Variants in SMAP1 observed in about 807,000 individuals in gnomAD.
The protein encoded by SMAP1 is small ArfGAP 1.
SMAP1 carries 24 observed loss-of-function variants against 58.5 expected under a neutral mutation model. The ratio of observed to expected loss-of-function variants is 0.41; its 90% confidence interval spans 0.30 to 0.58. The LOEUF (loss-of-function observed/expected upper bound fraction) is 0.58. Among genes scored for constraint, SMAP1 ranks in the 20% least tolerant of loss-of-function variants. The pLI is 0.29. For synonymous variants in SMAP1, 216 were observed against 196.6 expected, an observed-to-expected ratio of 1.10 and a Z score of -0.82; for missense variants, 563 against 566.3, an observed-to-expected ratio of 0.99 and a Z score of 0.06.
intron 5 of SMAP1, among the ~76,000 whole-genome samples, chr6:70,797,138 C>A (rs970858671): frequency 3.3e-5 from 5 of 152,056 alleles, no homozygotes; most frequent in Admixed American, 3.3e-4. Flanking sequence ...ATTCATGCCC[C>A]AAATATAAAG....
intron 7 of SMAP1, among the ~76,000 whole-genome samples, chr6:70,842,763 T>A (rs1770849433): frequency 6.6e-6 from 1 of 152,118 alleles, no homozygotes; most frequent in South Asian, 2.1e-4. Context: ...CCTCTTTGCT[T>A]CTCCTCATTC....
intron 1 of SMAP1, among the ~76,000 whole-genome samples, chr6:70,712,351 A>G (rs1768089149): frequency 6.6e-6 from 1 of 152,162 alleles, no homozygotes; most frequent in Admixed American, 6.6e-5. Context: ...TTTACTGAAG[A>G]TTTTTGAATG....
chr6:70,670,003 ACTT>A (rs954622535), intron 1 of SMAP1, among the ~76,000 whole-genome samples: 1 of 151,802 alleles, frequency 6.6e-6, no homozygotes, highest in Non-Finnish European at 1.5e-5. Flanking sequence ...AGAATCATGT[ACTT>A]CTTAAATTAG....
rs570193792 is a variant in SMAP1, at chr6:70,773,431, TA to T, written c.414+10del. Reference sequence around the variant, plus strand: ...ATGCCATAGCTATTACAAATGTAAGTAAAACCTTCATCTCTCATCAATTGTT... The same window carrying T: ...ATGCCATAGCTATTACAAATGTAAGTAAACCTTCATCTCTCATCAATTGTT... On this transcript the variant is annotated splice_region_variant and intron_variant, in intron 4 of 10. Coordinates refer to ENST00000370455, the MANE Select transcript of SMAP1 (RefSeq NM_001044305.3). 212 of 1,494,990 alleles carry T rather than the reference TA, an allele frequency of 1.4e-4. 2 individuals carry two copies. In the African/African-American group the frequency reaches 2.6e-3, roughly 19 times the overall value. The allele number at this position is 1,494,990 out of a possible 1,614,324, so 92.6% of individuals were successfully genotyped here. A position where few individuals can be genotyped will look rare whatever the true frequency, so the allele number is the denominator to read the frequency against.
At chr6:70,791,166 TC>T (rs1283254374) in intron 4 of SMAP1, among the ~76,000 whole-genome samples, 87 of 152,334 alleles carry the variant, frequency 5.7e-4, no homozygotes, top group African/African-American at 2.0e-3. Context: ...ATTAATCTGC[TC>T]TTCTTTTCTC....
At chr6:70,694,528 G>GGAGA (rs1256945319) in intron 1 of SMAP1, 1 of 153,018 alleles carries the variant, frequency 6.5e-6, no homozygotes, top group Non-Finnish European at 1.5e-5. Flanking sequence ...TGAAAAGCAA[G>GGAGA]GAGACATAAT....
At chr6:70,795,572 T>TTGAA (rs1768570538) in intron 5 of SMAP1, among the ~76,000 whole-genome samples, 2 of 152,140 alleles carry the variant, frequency 1.3e-5, no homozygotes, top group Admixed American at 1.3e-4. Flanking sequence ...GAAGGTTTCA[T>TTGAA]CCTCATGACT....
intron 6 of SMAP1, among the ~76,000 whole-genome samples, chr6:70,827,813 A>C (rs1770197444): frequency 1.3e-5 from 2 of 152,236 alleles, no homozygotes. Context: ...CTTACAGAGA[A>C]CATTTACTGA....
At position 70,763,181 on chromosome 6, in the gene SMAP1, T is replaced by C. The variant is rs539444880; in HGVS notation, c.338+8116T>C. ...ATGCAAAGCAAGTCTGTTGGCGCCA[T>C]ATTTTCCAACAACACATGTTTACTT... On this transcript the variant is annotated intron_variant, in intron 3 of 10. Coordinates refer to ENST00000370455, the MANE Select transcript of SMAP1 (RefSeq NM_001044305.3). Among the ~76,000 whole-genome samples the C allele has an allele frequency of 2.1e-5, 3 of 141,286 alleles. No individual in the cohort carries two copies. In the East Asian group the frequency reaches 6.6e-4, roughly 31 times the overall value. 92.7% of individuals were successfully genotyped at this position (141,286 alleles called of 152,430 possible). A position where few individuals can be genotyped will look rare whatever the true frequency, so the allele number is the denominator to read the frequency against.
At chr6:70,828,850 G>C in intron 6 of SMAP1, among the ~76,000 whole-genome samples, 1 of 152,060 alleles carries the variant, frequency 6.6e-6, no homozygotes, top group East Asian at 1.9e-4. Flanking sequence ...CTCCAGCCTG[G>C]GCAAGAGTGA....
At chr6:70,763,789 T>A (rs1766852269) in intron 3 of SMAP1, among the ~76,000 whole-genome samples, 1 of 152,190 alleles carries the variant, frequency 6.6e-6, no homozygotes, top group South Asian at 2.1e-4. Context: ...GCCACAACAT[T>A]TCCTTAAGCC....
chr6:70,677,145 CTTTGTTT>C (rs1766512345), intron 1 of SMAP1, among the ~76,000 whole-genome samples: 3 of 146,592 alleles, frequency 2.0e-5, no homozygotes, highest in African/African-American at 7.6e-5. Flanking sequence ...TAGTGTTTTT[CTTTGTTT>C]TTTGTTTTGT....
At chr6:70,820,422 ATTAT>A (rs1769834604) in intron 6 of SMAP1, among the ~76,000 whole-genome samples, 1 of 152,152 alleles carries the variant, frequency 6.6e-6, no homozygotes, top group Non-Finnish European at 1.5e-5. Context: ...TGAAAACTTT[ATTAT>A]TTAGGCCGGG....
intron 7 of SMAP1, among the ~76,000 whole-genome samples, chr6:70,848,419 G>C (rs540099213): frequency 1.3e-5 from 2 of 152,300 alleles, no homozygotes; most frequent in East Asian, 1.9e-4. Flanking sequence ...TTTTAAAGTT[G>C]TTTTTTAATT....
chr6:70,739,685 TTTC>T (rs1272091358), intron 2 of SMAP1, among the ~76,000 whole-genome samples: 1 of 152,116 alleles, frequency 6.6e-6, no homozygotes, highest in African/African-American at 2.4e-5. Flanking sequence ...TTGCTTTAGT[TTTC>T]TTCTTCAGTG....
chr6:70,836,320 A>G, intron 6 of SMAP1, among the ~76,000 whole-genome samples: 1 of 152,042 alleles, frequency 6.6e-6, no homozygotes, highest in East Asian at 1.9e-4. Flanking sequence ...GTGTAGGGAA[A>G]CTACCCCTTA....
intron 4 of SMAP1, among the ~76,000 whole-genome samples, chr6:70,778,640 CATGT>C (rs1353581947): frequency 6.6e-6 from 1 of 152,186 alleles, no homozygotes; most frequent in Non-Finnish European, 1.5e-5. Flanking sequence ...CTGGTTGGGT[CATGT>C]GGGCGGTGGT....
At chr6:70,853,015 G>C (rs1771246934) in intron 8 of SMAP1, among the ~76,000 whole-genome samples, 1 of 152,174 alleles carries the variant, frequency 6.6e-6, no homozygotes, top group Admixed American at 6.5e-5. Context: ...GAATGAACAA[G>C]TGGAAAAACC....
At chr6:70,777,445 TA>T (rs1767592572) in intron 4 of SMAP1, among the ~76,000 whole-genome samples, 1 of 152,128 alleles carries the variant, frequency 6.6e-6, no homozygotes, top group Non-Finnish European at 1.5e-5. Flanking sequence ...ATCTTTTGCT[TA>T]TTTTTTTATT....
Sources: allele counts gnomAD v4.1 joint callset (sites outside exome capture counted in the v4.1 genomes callset), GRCh38; gene constraint gnomAD v4.1.1; transcripts MANE v1.5; gene names NCBI Gene and HGNC (gene_info 2026-07-23, HGNC 2026-07-21).